PDE11A: variants seen among roughly 807,000 people sequenced by gnomAD.
PDE11A encodes phosphodiesterase 11A, also known as dual 3',5'-cyclic-AMP and -GMP phosphodiesterase 11A.
Under a neutral mutation model 100.5 loss-of-function variants are expected in PDE11A, and 100 were observed. That is an observed-to-expected ratio of 1.00 (90% CI 0.85 to 1.18). PDE11A has a LOEUF of 1.18. Among genes scored for constraint, PDE11A ranks in the 50% most tolerant of loss-of-function variants. PDE11A has a pLI of 0.00. For synonymous variants in PDE11A, 381 were observed against 420.8 expected (o/e 0.91, Z 1.16); for missense variants, 1,141 against 1,152.6 (o/e 0.99, Z 0.15).
intron 1 of PDE11A, among the ~76,000 whole-genome samples, chr2:178,028,339 C>T (rs2086503737): frequency 6.6e-6 from 1 of 150,528 alleles, no homozygotes; most frequent in Non-Finnish European, 1.5e-5. Context: ...AATCTCTTGC[C>T]CTATAATATG....
At chr2:178,026,437 G>A (rs968315012) in intron 1 of PDE11A, among the ~76,000 whole-genome samples, 5 of 152,046 alleles carry the variant, frequency 3.3e-5, no homozygotes, top group African/African-American at 4.8e-5. Context: ...CAAGGTGGGC[G>A]GATCACTTGA....
intron 5 of PDE11A, among the ~76,000 whole-genome samples, chr2:177,867,674 C>T (rs2084054254): frequency 6.6e-6 from 1 of 152,004 alleles, no homozygotes; most frequent in Non-Finnish European, 1.5e-5. Context: ...TGCAGTGAGC[C>T]GAGATCACCC....
chr2:177,757,245 A>G (rs189316709), intron 10 of PDE11A, among the ~76,000 whole-genome samples: 1 of 152,330 alleles, frequency 6.6e-6, no homozygotes, highest in East Asian at 1.9e-4. Flanking sequence ...TTTCCAGATG[A>G]CTGTCACATG....
intron 10 of PDE11A, among the ~76,000 whole-genome samples, chr2:177,744,817 T>C (rs1315179748): frequency 6.6e-6 from 1 of 152,236 alleles, no homozygotes; most frequent in African/African-American, 2.4e-5. Flanking sequence ...CACACGCACA[T>C]GCACGGAGCA....
intron 2 of PDE11A, among the ~76,000 whole-genome samples, chr2:177,951,866 T>G (rs1249557524): frequency 1.3e-5 from 2 of 152,216 alleles, no homozygotes; most frequent in Admixed American, 1.3e-4. Flanking sequence ...CAAGGTTATT[T>G]TCTTTGCAAA....
At chr2:177,991,578 T>C (rs2105810310) in intron 2 of PDE11A, among the ~76,000 whole-genome samples, 1 of 150,854 alleles carries the variant, frequency 6.6e-6, no homozygotes, top group African/African-American at 2.4e-5. Context: ...GAGGTTGCAG[T>C]GTGCCGAGAC....
intron 13 of PDE11A, chr2:177,702,699 A>G (rs2081218662): frequency 6.6e-6 from 1 of 151,324 alleles, no homozygotes. Flanking sequence ...TCTTGGAAAG[A>G]CTCCCCCAAT....
intron 2 of PDE11A, among the ~76,000 whole-genome samples, chr2:177,966,613 C>A (rs1330299743): frequency 2.0e-5 from 3 of 151,722 alleles, no homozygotes; most frequent in Non-Finnish European, 4.4e-5. Flanking sequence ...GTAAGATGAT[C>A]TTGTGGTTTT....
chr2:177,945,488 G>A (rs928884845), intron 2 of PDE11A, among the ~76,000 whole-genome samples: 2 of 143,378 alleles, frequency 1.4e-5, no homozygotes, highest in Non-Finnish European at 3.1e-5. Context: ...TCTGGGATGT[G>A]AGGAGGCCTC....
intron 15 of PDE11A, among the ~76,000 whole-genome samples, chr2:177,684,777 G>A (rs532471061): frequency 1.3e-5 from 2 of 152,364 alleles, no homozygotes; most frequent in Admixed American, 1.3e-4. Context: ...ATTAGTTACT[G>A]TGATTAAGCT....
chr2:177,812,117 C>G (rs768230566), intron 9 of PDE11A, among the ~76,000 whole-genome samples: 12 of 152,192 alleles, frequency 7.9e-5, no homozygotes, highest in Admixed American at 7.9e-4. Flanking sequence ...TCTTTCTAAA[C>G]ACTTTCCCTG....
intron 2 of PDE11A, among the ~76,000 whole-genome samples, chr2:177,964,518 T>G (rs1362564279): frequency 6.6e-6 from 1 of 152,162 alleles, no homozygotes; most frequent in Non-Finnish European, 1.5e-5. Flanking sequence ...ATAGGTAGTT[T>G]TTTGATCTTC....
At chr2:177,660,230 GA>G (rs1359398632) in intron 19 of PDE11A, among the ~76,000 whole-genome samples, 4 of 151,634 alleles carry the variant, frequency 2.6e-5, no homozygotes, top group Non-Finnish European at 4.4e-5. Context: ...GCAAGTTCCA[GA>G]GAACTCTATG....
intron 12 of PDE11A, among the ~76,000 whole-genome samples, chr2:177,722,031 G>C (rs1322433981): frequency 6.6e-6 from 1 of 152,122 alleles, no homozygotes; most frequent in Non-Finnish European, 1.5e-5. Context: ...TGGCTCTGCT[G>C]CTGGGTCTCC....
At position 177,625,873 on chromosome 2, in the gene PDE11A, T is replaced by C. The variant is rs1193399114; in HGVS notation, c.*3534A>G. The C allele has an allele frequency of 6.6e-6, 1 of 152,646 alleles. No homozygotes were observed. The highest frequency in any genetic ancestry group is 1.5e-5 in the Non-Finnish European group (1 of 68,038). The allele number at this position is 152,646 out of a possible 1,614,324, so 9.5% of individuals were successfully genotyped here. A position where few individuals can be genotyped will look rare whatever the true frequency, so the allele number is the denominator to read the frequency against. On this transcript the variant is annotated 3_prime_UTR_variant, in exon 20 of 20. Coordinates refer to ENST00000286063, the MANE Select transcript of PDE11A (RefSeq NM_016953.4). Reference sequence around the variant, plus strand: ...TCTGGGGTTGTTGGCACCAGGAAGCTGCTACCTTCCTGTCCACTGCTTCAT... The same window carrying C: ...TCTGGGGTTGTTGGCACCAGGAAGCCGCTACCTTCCTGTCCACTGCTTCAT...
chr2:177,774,823 T>C (rs1167946831), intron 9 of PDE11A, among the ~76,000 whole-genome samples: 1 of 152,218 alleles, frequency 6.6e-6, no homozygotes, highest in Non-Finnish European at 1.5e-5. Flanking sequence ...CCCCACAAGA[T>C]GTCCATGTCC....
chr2:177,895,562 A>C (rs1168969478), intron 4 of PDE11A, among the ~76,000 whole-genome samples: 2 of 152,154 alleles, frequency 1.3e-5, no homozygotes, highest in African/African-American at 4.8e-5. Context: ...TCAAAAAAAA[A>C]AAAAAGCTAT....
intron 2 of PDE11A, among the ~76,000 whole-genome samples, chr2:177,950,518 A>T (rs959915830): frequency 1.3e-5 from 2 of 152,170 alleles, no homozygotes; most frequent in Non-Finnish European, 2.9e-5. Flanking sequence ...TATTATCCTC[A>T]GTATTAATAG....
intron 19 of PDE11A, among the ~76,000 whole-genome samples, chr2:177,637,473 AT>A (rs1335462992): frequency 6.6e-6 from 1 of 151,608 alleles, no homozygotes; most frequent in African/African-American, 2.4e-5. Context: ...AGGTATTTGC[AT>A]TTTTTTGCAG....
Sources: gnomAD v4.1 joint callset for allele counts (sites outside exome capture counted in the v4.1 genomes callset) on GRCh38, gnomAD v4.1.1 for gene constraint, MANE v1.5 for transcripts, NCBI Gene and HGNC (gene_info 2026-07-23, HGNC 2026-07-21) for gene names.